CTBS: variants seen among roughly 807,000 people sequenced by gnomAD.
CTBS encodes di-N-acetylchitobiase.
A neutral mutation model predicts 44.3 loss-of-function variants in CTBS; 35 were observed. The observed-to-expected ratio is 0.79, with a 90% confidence interval of 0.60 to 1.05. The LOEUF is 1.05. Among genes scored for constraint, CTBS ranks in the 50% least tolerant of loss-of-function variants. CTBS has a pLI of 0.00. For synonymous variants in CTBS, 143 were observed against 168.0 expected, an observed-to-expected ratio of 0.85 and a Z score of 1.15; for missense variants, 458 against 475.3, an observed-to-expected ratio of 0.96 and a Z score of 0.34.
intron 6 of CTBS, among the ~76,000 whole-genome samples, chr1:84,559,347 G>A (rs1032555131): frequency 6.6e-6 from 1 of 152,170 alleles, no homozygotes; most frequent in African/African-American, 2.4e-5. Flanking sequence ...TTGGCTAGGC[G>A]CGGTAGCTCA....
chr1:84,571,130 T>C (rs1044142234), intron 1 of CTBS, among the ~76,000 whole-genome samples: 1 of 152,178 alleles, frequency 6.6e-6, no homozygotes, highest in Non-Finnish European at 1.5e-5. Context: ...AGGGAGAGAA[T>C]AAAAGCATTT....
intron 3 of CTBS, among the ~76,000 whole-genome samples, chr1:84,566,946 A>G (rs1684712208): frequency 1.3e-5 from 2 of 152,202 alleles, no homozygotes; most frequent in South Asian, 4.1e-4. Flanking sequence ...TTCATTTTGA[A>G]TAGTGAGCCA....
Position 84,552,791 on chromosome 1 carries a change from T to C in CTBS, c.*2208A>G, listed in dbSNP as rs529310391. The C allele has an allele frequency of 2.2e-5, 7 of 325,510 alleles. No homozygotes were observed. The highest frequency in any genetic ancestry group is 3.9e-5 in the Non-Finnish European group (7 of 178,528). 20.2% of individuals were successfully genotyped at this position (325,510 alleles called of 1,614,324 possible). On this transcript the variant is annotated 3_prime_UTR_variant, in exon 7 of 7. Transcript: ENST00000370630. ...AGTTTTTAGAACAGTTCAATTGTAT[T>C]GTCCCTATCTACTCATAAACAAGGT...
At chr1:84,556,668 C>T (rs943096047) in intron 6 of CTBS, among the ~76,000 whole-genome samples, 3 of 146,958 alleles carry the variant, frequency 2.0e-5, no homozygotes, top group Admixed American at 1.4e-4. Flanking sequence ...GCTGAGATCA[C>T]GCCACTGCAC....
At position 84,550,514 on chromosome 1, in the gene CTBS, T is replaced by C. The variant is rs537734591; in HGVS notation, c.*4485A>G. On this transcript the variant is annotated 3_prime_UTR_variant, in exon 7 of 7. Transcript: ENST00000370630. ...AAACTAGATACTGACAAAATGAAAC[T>C]CATAGTAGAAGTTAAGGTAATTTAC... 2.6e-6 allele frequency: 4 copies of C among 1,547,872 alleles called. No individual in the cohort carries two copies. In the African/African-American group the frequency reaches 5.5e-5, roughly 21 times the overall value.
At chr1:84,570,741 A>G (rs375860285) in intron 1 of CTBS, 21 bp from the exon 2 acceptor site, 22 of 1,607,730 alleles carry the variant, frequency 1.4e-5, no homozygotes, top group African/African-American at 5.4e-5. Context: ...AAAGATGAGC[A>G]CCATCATTTA....
At position 84,574,423 on chromosome 1, in the gene CTBS, G is replaced by A; in HGVS notation, c.-8C>T. ...AAGCTGCGGCCGGGACATAGCAGCA[G>A]GTCTAGCGGGCCGGAGTGGGTTCCT... On this transcript the variant is annotated 5_prime_UTR_variant, in exon 1 of 7. Transcript: ENST00000370630. 6.5e-7 allele frequency: 1 copy of A among 1,528,124 alleles called. No homozygotes were observed. Among genetic ancestry groups the A allele is most frequent in the Non-Finnish European group, 8.8e-7 (1 of 1,140,074 alleles). 94.7% of individuals were successfully genotyped at this position (1,528,124 alleles called of 1,614,324 possible).
Position 84,550,786 on chromosome 1 carries a change from A to C in CTBS, c.*4213T>G. 1 of 1,044,488 alleles carries C rather than the reference A, an allele frequency of 9.6e-7. No individual in the cohort carries two copies. The highest frequency in any genetic ancestry group is 6.4e-5 in the East Asian group (1 of 15,724). The allele number at this position is 1,044,488 out of a possible 1,614,324, so 64.7% of individuals were successfully genotyped here. On this transcript the variant is annotated 3_prime_UTR_variant, in exon 7 of 7. Transcript: ENST00000370630. Reference sequence around the variant, plus strand: ...ACTAGGAAGAATTAAAGGAAAAGGAACCTGTGAGTCAATATATTCTCAAAA... The same window carrying C: ...ACTAGGAAGAATTAAAGGAAAAGGACCCTGTGAGTCAATATATTCTCAAAA...
chr1:84,563,781 C>G lies in CTBS; in HGVS notation c.749G>C (p.Gly250Ala). 2 of 1,608,934 alleles carry G rather than the reference C, an allele frequency of 1.2e-6. No individual in the cohort carries two copies. Among genetic ancestry groups the G allele is most frequent in the Non-Finnish European group, 1.7e-6 (2 of 1,177,094 alleles). ...MSINPKKLVM[G>A]VPWYGYDYTC... is the part of the protein sequence containing the mutation. ...ATAATCATAACCATACCAAGGAACA[C>G]CCATTACAAGTTTCTTAGGATTAAT... is the stretch of plus-strand genomic sequence containing the variant. The change falls in exon 5 of 7, where the codon GGT (glycine) becomes GCT (alanine). Residue 250 changes from glycine to alanine, a missense_variant. Physicochemically the swap from Gly to Ala is moderately conservative, Grantham distance 60. Transcript: ENST00000370630.
At position 84,551,378 on chromosome 1, in the gene CTBS, TAAAA is replaced by T; in HGVS notation, c.*3617_*3620del. On this transcript the variant is annotated 3_prime_UTR_variant, in exon 7 of 7. Transcript: ENST00000370630. ...GGTTTCAGATAAAAATAAAAATAAA[TAAAA>T]TTTAAAAATAAAAAAATAGAATTAG... 6 of 737,878 alleles carry T rather than the reference TAAAA, an allele frequency of 8.1e-6. No individual in the cohort carries two copies. The highest frequency in any genetic ancestry group is 8.3e-6 in the Non-Finnish European group (5 of 605,744). 45.7% of individuals were successfully genotyped at this position (737,878 alleles called of 1,614,324 possible).
intron 6 of CTBS, among the ~76,000 whole-genome samples, chr1:84,559,349 G>A (rs184184817): frequency 3.9e-5 from 6 of 152,284 alleles, no homozygotes; most frequent in Admixed American, 2.0e-4. Context: ...GGCTAGGCGC[G>A]GTAGCTCACG....
Position 84,563,427 on chromosome 1 carries a change from G to A in CTBS, c.796-9C>T. ...ATGGTACAAACATGATCCTAGAAAT[G>A]CAAAAGTGCTCATGTTATATATTAT... On this transcript the variant is annotated splice_polypyrimidine_tract_variant and intron_variant, in intron 5 of 6. Transcript: ENST00000370630. 6.8e-7 allele frequency: 1 copy of A among 1,481,260 alleles called. No individual in the cohort carries two copies. The highest frequency in any genetic ancestry group is 8.9e-7 in the Non-Finnish European group (1 of 1,117,320). 91.8% of individuals were successfully genotyped at this position (1,481,260 alleles called of 1,614,324 possible). A position where few individuals can be genotyped will look rare whatever the true frequency, so the allele number is the denominator to read the frequency against.
intron 3 of CTBS, among the ~76,000 whole-genome samples, chr1:84,566,569 A>G (rs969252260): frequency 3.3e-5 from 5 of 152,196 alleles, no homozygotes; most frequent in African/African-American, 1.2e-4. Flanking sequence ...AATCAAGTCA[A>G]AATGTTGAAT....
chr1:84,552,896 C>T lies in CTBS; in HGVS notation c.*2103G>A. The T allele has an allele frequency of 1.7e-6, 1 of 601,056 alleles. No individual in the cohort carries two copies. The highest frequency in any genetic ancestry group is 2.9e-6 in the Non-Finnish European group (1 of 339,260). The allele number at this position is 601,056 out of a possible 1,614,324, so 37.2% of individuals were successfully genotyped here. A position where few individuals can be genotyped will look rare whatever the true frequency, so the allele number is the denominator to read the frequency against. ...AATCTACACATTTACTGTAGTAATC[C>T]AGTGGGAGTTGAAAGCACTGAAGCC... On this transcript the variant is annotated 3_prime_UTR_variant, in exon 7 of 7. Transcript: ENST00000370630.
Position 84,566,008 on chromosome 1 carries a change from G to A in CTBS, c.530C>T (p.Thr177Ile). The change falls in exon 4 of 7, where the codon ACC becomes ATC. Residue 177 changes from threonine (T) to isoleucine (I), a missense_variant. By Grantham distance (89) the Thr-to-Ile change is moderately conservative. Transcript: ENST00000370630. ...FHREIEGSQV[T>I]FDVAWSPKNI... ...CTTTGGAGACCAAGCTACATCAAAG[G>A]TTACCTGTGGAAAAAAATCTTACTA... 2 of 1,520,536 alleles carry A rather than the reference G, an allele frequency of 1.3e-6. No individual in the cohort carries two copies. The highest frequency in any genetic ancestry group is 2.1e-5 in the Admixed American group (1 of 46,734). 94.2% of individuals were successfully genotyped at this position (1,520,536 alleles called of 1,614,324 possible).
At position 84,558,827 on chromosome 1, in the gene CTBS, A is replaced by G. The variant is rs187475665; in HGVS notation, c.958-3628T>C. Among the ~76,000 whole-genome samples the G allele has an allele frequency of 1.7e-3, 259 of 152,086 alleles. 1 individual carries two copies. Among genetic ancestry groups the G allele is most frequent in the African/African-American group, 5.3e-3 (219 of 41,498 alleles). Reference sequence around the variant, plus strand: ...GAGGCAGGAGGATTGCTTGAGCCCAAGAGGTCAAGGCTGCAGTGAGCCATG... The same window carrying G: ...GAGGCAGGAGGATTGCTTGAGCCCAGGAGGTCAAGGCTGCAGTGAGCCATG... On this transcript the variant is annotated intron_variant, in intron 6 of 6. Coordinates refer to ENST00000370630, the MANE Select transcript of CTBS (RefSeq NM_004388.3).
chr1:84,565,061 A>G (rs542637360), intron 4 of CTBS, among the ~76,000 whole-genome samples: 1 of 152,008 alleles, frequency 6.6e-6, no homozygotes, highest in East Asian at 1.9e-4. Flanking sequence ...AAATGAAAAT[A>G]TTAGCTGGGC....
intron 5 of CTBS, 149 bp downstream of exon 5, chr1:84,563,586 T>C: frequency 3.2e-6 from 2 of 633,316 alleles, no homozygotes; most frequent in Non-Finnish European, 4.9e-6. Flanking sequence ...TGTATGATAA[T>C]CATAAGCTTT....
intron 3 of CTBS, among the ~76,000 whole-genome samples, chr1:84,567,279 T>C (rs1010658135): frequency 8.5e-5 from 13 of 152,214 alleles, no homozygotes. Context: ...AATTATTACA[T>C]ATTTGTTCCT....
Sources: gnomAD v4.1 joint callset for allele counts (sites outside exome capture counted in the v4.1 genomes callset) on GRCh38, gnomAD v4.1.1 for gene constraint, MANE v1.5 for transcripts, NCBI Gene and HGNC (gene_info 2026-07-23, HGNC 2026-07-21) for gene names.